Variants in CD38 observed in about 807,000 individuals in gnomAD.
The protein encoded by CD38 is ADP-ribosyl cyclase/cyclic ADP-ribose hydrolase 1.
In CD38, 31 loss-of-function variants were observed where a neutral mutation model predicts 36.3. That is an observed-to-expected ratio of 0.85 (90% CI 0.64 to 1.15). The LOEUF (loss-of-function observed/expected upper bound fraction) is 1.15. Among genes scored for constraint, CD38 ranks in the 50% most tolerant of loss-of-function variants. CD38 has a pLI of 0.00. For synonymous variants in CD38, 131 were observed against 135.2 expected (o/e 0.97, Z 0.22); for missense variants, 380 against 371.9 (o/e 1.02, Z -0.18).
chr4:15,790,588 C>T (rs1268186285), intron 1 of CD38, among the ~76,000 whole-genome samples: 69 of 152,108 alleles, frequency 4.5e-4, no homozygotes, highest in Non-Finnish European at 7.4e-4. Context: ...AGCCTCTGCC[C>T]GGCCGCCACC....
Position 15,834,315 on chromosome 4 carries a change from T to A in CD38, c.585+13T>A. On this transcript the variant is annotated intron_variant, in intron 4 of 7. Transcript: ENST00000226279. ...GGTTTCCCGCAGGGTAAGTACCAAG[T>A]AGTGAAATTCTAGAGCTTTGGAGAC... is the stretch of plus-strand genomic sequence containing the variant. 6.4e-7 allele frequency: 1 copy of A among 1,563,828 alleles called. No individual in the cohort carries two copies. The highest frequency in any genetic ancestry group is 8.8e-7 in the Non-Finnish European group (1 of 1,133,978).
rs747945530 is a variant in CD38, at chr4:15,816,552, C to T, written c.275C>T (p.Ala92Val). The change falls in exon 2 of 8, where the codon GCA becomes GTA. Residue 92 changes from alanine to valine, a missense_variant. Coordinates refer to ENST00000226279, the MANE Select transcript of CD38 (RefSeq NM_001775.4). Reference protein sequence around the residue: ...CQSVWDAFKGAFISKHPCNIT... With the variant: ...CQSVWDAFKGVFISKHPCNIT... ...AGTGTATGGGATGCTTTCAAGGGTGCATTTATTTCAAAACATCCTTGCAAC... is the reference window on the plus strand; with the variant it reads ...AGTGTATGGGATGCTTTCAAGGGTGTATTTATTTCAAAACATCCTTGCAAC... 2.5e-6 allele frequency: 4 copies of T among 1,613,030 alleles called. No individual in the cohort carries two copies.
intron 2 of CD38, among the ~76,000 whole-genome samples, chr4:15,820,907 C>A (rs1406907410): frequency 6.6e-6 from 1 of 152,186 alleles, no homozygotes; most frequent in African/African-American, 2.4e-5. Context: ...TGCCACATGG[C>A]ATCTACTCTA....
intron 1 of CD38, among the ~76,000 whole-genome samples, chr4:15,795,855 G>A (rs1723094806): frequency 6.6e-6 from 1 of 152,094 alleles, no homozygotes; most frequent in African/African-American, 2.4e-5. Context: ...GATTTGAAGA[G>A]ACATTATAAA....
chr4:15,787,993 C>T (rs991185516), intron 1 of CD38, among the ~76,000 whole-genome samples: 1 of 152,244 alleles, frequency 6.6e-6, no homozygotes, highest in Non-Finnish European at 1.5e-5. Flanking sequence ...ACTCCTCGCC[C>T]TCTGCGTCAG....
chr4:15,847,568 T>TAAATAAATAAATAAA (rs745515294), intron 7 of CD38, among the ~76,000 whole-genome samples: 1 of 45,594 alleles, frequency 2.2e-5, no homozygotes, highest in Non-Finnish European at 4.7e-5. Context: ...ATAAAAAAAA[T>TAAATAAATAAATAAA]AAAAAATAAA....
At position 15,838,629 on chromosome 4, in the gene CD38, A is replaced by G. The variant is rs146519868; in HGVS notation, c.659+464A>G. 1.0e-3 allele frequency among the ~76,000 whole-genome samples: 154 copies of G among 152,328 alleles called. 1 individual carries two copies. The Middle Eastern group carries it at 0.014, about 13-fold the overall frequency. The stretch of plus-strand genomic sequence containing the variant: ...ACCCCAATTCAGTAGTAAAACTACT[A>G]CCGGGAACATCGGGAACTGTGCTGG... On this transcript the variant is annotated intron_variant, in intron 5 of 7. Transcript: ENST00000226279.
chr4:15,819,696 A>AG (rs1414260239), intron 2 of CD38, among the ~76,000 whole-genome samples: 1 of 152,228 alleles, frequency 6.6e-6, no homozygotes, highest in African/African-American at 2.4e-5. Context: ...ACAAGATTAG[A>AG]GAAAAAAGAA....
chr4:15,792,639 T>TA (rs1034509413), intron 1 of CD38, among the ~76,000 whole-genome samples: 9 of 150,488 alleles, frequency 6.0e-5, no homozygotes, highest in African/African-American at 9.7e-5. Flanking sequence ...ATTTACCCAT[T>TA]AAAAAAAAAG....
chr4:15,824,908 C>T lies in CD38; in HGVS notation c.391C>T (p.Leu131=). 1 of 1,613,514 alleles carries T rather than the reference C, an allele frequency of 6.2e-7. No homozygotes were observed. Among genetic ancestry groups the T allele is most frequent in the Non-Finnish European group, 8.5e-7 (1 of 1,179,614 alleles). The change falls in exon 3 of 8, where the codon CTG becomes TTG. Residue 131 remains leucine, a synonymous_variant. Transcript: ENST00000226279. The part of the protein sequence containing the change: ...KILLWSRIKD[L]AHQFTQVQRD... ...TCTTCTTTGGAGCAGAATAAAAGAT[C>T]TGGCCCATCAGTTCACACAGGTCCA...
intron 1 of CD38, among the ~76,000 whole-genome samples, chr4:15,802,732 A>G: frequency 6.6e-6 from 1 of 151,846 alleles, no homozygotes; most frequent in Admixed American, 6.6e-5. Context: ...TTTAGTAGAG[A>G]TAGGGTTTCA....
Position 15,778,774 on chromosome 4 carries a change from T to C in CD38, c.233+127T>C. The C allele has an allele frequency of 1.5e-6, 1 of 673,160 alleles. No homozygotes were observed. The highest frequency in any genetic ancestry group is 2.5e-6 in the Non-Finnish European group (1 of 398,106). 41.7% of individuals were successfully genotyped at this position (673,160 alleles called of 1,614,324 possible). On this transcript the variant is annotated intron_variant, in intron 1 of 7. Coordinates refer to ENST00000226279, the MANE Select transcript of CD38 (RefSeq NM_001775.4). This position sits in a 1 kb window ranked among gnomAD's most constrained non-coding sequence, Gnocchi z 4.9. ...GCGGGTCAGCCGAGAGCCCGCCGGG[T>C]GGTGCTGAGTAGGGAGTCCCGGGCT...
chr4:15,814,370 A>G (rs1723537768), intron 1 of CD38, among the ~76,000 whole-genome samples: 1 of 151,884 alleles, frequency 6.6e-6, no homozygotes, highest in Non-Finnish European at 1.5e-5. Flanking sequence ...ATTGCAAAAA[A>G]TTTCTCCCAT....
intron 1 of CD38, among the ~76,000 whole-genome samples, chr4:15,794,300 T>G (rs995196032): frequency 6.6e-6 from 1 of 152,242 alleles, no homozygotes; most frequent in African/African-American, 2.4e-5. Context: ...TTTAGTACTA[T>G]CTGCAGTTTC....
intron 2 of CD38, chr4:15,816,887 A>G: frequency 6.9e-6 from 3 of 437,286 alleles, no homozygotes; most frequent in Non-Finnish European, 1.3e-5. Context: ...GCTTTGGCCA[A>G]AAACTAGGCA....
At chr4:15,800,832 C>A (rs746628405) in intron 1 of CD38, among the ~76,000 whole-genome samples, 2 of 151,984 alleles carry the variant, frequency 1.3e-5, no homozygotes, top group South Asian at 4.1e-4. Flanking sequence ...TGATTGCCTA[C>A]GTCAAAAAAG....
chr4:15,817,240 C>T (rs4698121), intron 2 of CD38, among the ~76,000 whole-genome samples: 22,098 of 152,172 alleles, frequency 0.15, 1,768 homozygotes, highest in South Asian at 0.24. Context: ...GGTATGAGAC[C>T]TGGAGCCACA....
At chr4:15,839,341 AG>A (rs1402138410) in intron 5 of CD38, among the ~76,000 whole-genome samples, 3 of 150,370 alleles carry the variant, frequency 2.0e-5, no homozygotes, top group African/African-American at 7.4e-5. Flanking sequence ...AACTTCACTG[AG>A]CATGTGAATC....
At chr4:15,835,174 T>G (rs970630796) in intron 4 of CD38, among the ~76,000 whole-genome samples, 1 of 152,002 alleles carries the variant, frequency 6.6e-6, no homozygotes, top group Non-Finnish European at 1.5e-5. Context: ...TCTCTACCTA[T>G]CTCCTCCTCC....
Sources: allele counts gnomAD v4.1 joint callset (sites outside exome capture counted in the v4.1 genomes callset), GRCh38; gene constraint gnomAD v4.1.1; non-coding constraint Gnocchi (gnomAD v3.1); transcripts MANE v1.5; gene names NCBI Gene and HGNC (gene_info 2026-07-23, HGNC 2026-07-21).